Variants in OVOL2 observed in about 807,000 individuals in gnomAD.
OVOL2 encodes the protein transcription factor Ovo-like 2.
In OVOL2, 13 loss-of-function variants were observed where a neutral mutation model predicts 18.1. The ratio of observed to expected loss-of-function variants is 0.72; its 90% CI spans 0.47 to 1.14. The LOEUF is 1.14. OVOL2 is among the 50% of genes most tolerant of loss of function. The pLI, the probability that OVOL2 is intolerant of heterozygous loss-of-function variation, is 0.00. For synonymous variants in OVOL2, 166 were observed against 162.7 expected (o/e 1.02, Z -0.16); for missense variants, 335 against 383.0 (o/e 0.87, Z 1.05).
At chr20:18,027,619 T>G (rs1444745112) in intron 3 of OVOL2, among the ~76,000 whole-genome samples, 3 of 152,014 alleles carry the variant, frequency 2.0e-5, no homozygotes, top group African/African-American at 7.2e-5. Flanking sequence ...TTTTTGAGAC[T>G]GAGACTCGCT....
chr20:18,041,713 C>A lies in OVOL2; in HGVS notation c.332G>T (p.Gly111Val), dbSNP rs767878401. Residue 111 changes from glycine (G) to valine (V), a missense_variant, in exon 3 of 4, where the codon GGC becomes GTC. Gly to Val is a moderately radical substitution (Grantham distance 109, BLOSUM62 -3). Coordinates refer to ENST00000278780, the MANE Select transcript of OVOL2 (RefSeq NM_021220.4). Reference protein sequence around the residue: ...VARSKIKFTTGTCSDSVVHSC... With the variant: ...VARSKIKFTTVTCSDSVVHSC... ...GTGAACCACCGAGTCGCTGCACGTG[C>A]CTGTGGTGAACTGGGGGCAGAGAGA... The A allele has an allele frequency of 3.1e-5, 50 of 1,611,656 alleles. No homozygotes were observed. The highest frequency in any genetic ancestry group is 4.2e-5 in the Non-Finnish European group (50 of 1,178,672).
intron 3 of OVOL2, among the ~76,000 whole-genome samples, chr20:18,034,882 G>T (rs2036602141): frequency 6.6e-6 from 1 of 152,064 alleles, no homozygotes; most frequent in African/African-American, 2.4e-5. Context: ...GGAGTCGGGG[G>T]TGGTGCAGAT....
intron 2 of OVOL2, among the ~76,000 whole-genome samples, chr20:18,051,137 A>C (rs1229551380): frequency 6.6e-6 from 1 of 152,106 alleles, no homozygotes; most frequent in Non-Finnish European, 1.5e-5. Context: ...GCACTTTGGG[A>C]GGCTGAGATA....
chr20:18,034,651 TCA>T lies in OVOL2; in HGVS notation c.511+6881_511+6882del, dbSNP rs1555794800. 1.3e-3 allele frequency among the ~76,000 whole-genome samples: 190 copies of T among 145,496 alleles called. 1 individual carries two copies. The highest frequency in any genetic ancestry group is 4.8e-3 in the Admixed American group (70 of 14,548). On this transcript the variant is annotated intron_variant, in intron 3 of 3. Transcript: ENST00000278780. ...TTCTCTCTCTCTCTCTCTCTCTCTC[TCA>T]CACACACACACACACACACCCCTCC...
rs552279316 is a variant in OVOL2, at chr20:18,048,094, C to G, written c.322-6371G>C. Among the ~76,000 whole-genome samples the G allele has an allele frequency of 2.7e-3, 411 of 151,776 alleles. 3 individuals are homozygous for G. The highest frequency in any genetic ancestry group is 3.9e-3 in the Non-Finnish European group (268 of 67,934). On this transcript the variant is annotated intron_variant, in intron 2 of 3. Coordinates refer to ENST00000278780, the MANE Select transcript of OVOL2 (RefSeq NM_021220.4). ...CTGAGGTCAGGAGTTCGAGACCAGC[C>G]TGGCCAACATGGTGAAACTCCATCT...
chr20:18,031,418 C>CA (rs1040998376), intron 3 of OVOL2, among the ~76,000 whole-genome samples: 9 of 151,800 alleles, frequency 5.9e-5, no homozygotes, highest in South Asian at 2.1e-4. Flanking sequence ...CTAAAAAATA[C>CA]AAAAAAAATT....
At position 18,056,924 on chromosome 20, in the gene OVOL2, C is replaced by T. The variant is rs1171061574; in HGVS notation, c.101-47G>A. 4.9e-6 allele frequency: 7 copies of T among 1,438,224 alleles called. No individual in the cohort carries two copies. The Admixed American group carries it at 2.0e-4, about 41-fold the overall frequency. 89.1% of individuals were successfully genotyped at this position (1,438,224 alleles called of 1,614,324 possible). On this transcript the variant is annotated intron_variant, in intron 1 of 3. Transcript: ENST00000278780. This position sits in a 1 kb window ranked among gnomAD's most constrained non-coding sequence, Gnocchi z 4.2. The stretch of plus-strand genomic sequence containing the variant: ...CCCGACACACACACTCGGCGTCAAC[C>T]CGCACGCCCGCGGCAGTTTGACCTG...
chr20:18,033,605 T>A (rs967581138), intron 3 of OVOL2, among the ~76,000 whole-genome samples: 1 of 152,210 alleles, frequency 6.6e-6, no homozygotes, highest in Non-Finnish European at 1.5e-5. Context: ...ACACTTTCCA[T>A]AAACGCGGGA....
rs1438019977 is a variant in OVOL2 at position 18,057,368 on chromosome 20, C to T, written c.100+167G>A. On this transcript the variant is annotated intron_variant, in intron 1 of 3. Coordinates refer to ENST00000278780, the MANE Select transcript of OVOL2 (RefSeq NM_021220.4). This position sits in a 1 kb window ranked among gnomAD's most constrained non-coding sequence, Gnocchi z 6.3. ...GGGGGCGCCTAGAGTCTGGGGCATCCCAGTCCCTCATTGCCTGCCCTAACC... is the reference window on the plus strand; with the variant it reads ...GGGGGCGCCTAGAGTCTGGGGCATCTCAGTCCCTCATTGCCTGCCCTAACC... Among the ~76,000 whole-genome samples the T allele has an allele frequency of 1.3e-5, 2 of 152,170 alleles. No homozygotes were observed. Among genetic ancestry groups the T allele is most frequent in the African/African-American group, 2.4e-5 (1 of 41,446 alleles).
intron 3 of OVOL2, among the ~76,000 whole-genome samples, chr20:18,036,376 T>C (rs1419775717): frequency 1.3e-5 from 2 of 152,158 alleles, no homozygotes; most frequent in Admixed American, 1.3e-4. Context: ...CTCTTTTGCC[T>C]ATACAACACA....
At chr20:18,043,553 G>GCCA (rs1177563878) in intron 2 of OVOL2, among the ~76,000 whole-genome samples, 1 of 152,160 alleles carries the variant, frequency 6.6e-6, no homozygotes, top group East Asian at 1.9e-4. Flanking sequence ...ACTCAGGGCT[G>GCCA]CCACCAGCTG....
At chr20:18,049,974 G>A (rs970557770) in intron 2 of OVOL2, among the ~76,000 whole-genome samples, 1 of 152,182 alleles carries the variant, frequency 6.6e-6, no homozygotes, top group Admixed American at 6.5e-5. Context: ...AATGCTGAAA[G>A]GTTGAGGATC....
intron 3 of OVOL2, among the ~76,000 whole-genome samples, chr20:18,027,069 C>A (rs1345237311): frequency 6.6e-6 from 1 of 151,544 alleles, no homozygotes; most frequent in Non-Finnish European, 1.5e-5. Context: ...CCCATATAAA[C>A]AAACCTGCAC....
At chr20:18,028,967 T>A (rs2036543735) in intron 3 of OVOL2, among the ~76,000 whole-genome samples, 1 of 152,196 alleles carries the variant, frequency 6.6e-6, no homozygotes, top group Non-Finnish European at 1.5e-5. Context: ...TCCCTAGTCC[T>A]AACTCGCAAG....
intron 2 of OVOL2, among the ~76,000 whole-genome samples, chr20:18,043,172 C>T (rs12625384): frequency 0.076 from 11,516 of 152,182 alleles, 1,044 homozygotes; most frequent in African/African-American, 0.21. Context: ...TCTGGGTCCT[C>T]ATGACATCAT....
Position 18,024,783 on chromosome 20 carries a change from C to G in OVOL2, c.681G>C (p.Glu227Asp). 6.2e-7 allele frequency: 1 copy of G among 1,614,194 alleles called. No homozygotes were observed. The highest frequency in any genetic ancestry group is 8.5e-7 in the Non-Finnish European group (1 of 1,180,032). The change falls in exon 4 of 4, where the codon GAG (glutamate) becomes GAC (aspartate). Residue 227 changes from glutamate (E) to aspartate (D), a missense_variant. By Grantham distance (45) the Glu-to-Asp change is conservative. Coordinates refer to ENST00000278780, the MANE Select transcript of OVOL2 (RefSeq NM_021220.4). ...EDCGYTGPTQ[E>D]DLYLHVNSAH... is the part of the protein sequence containing the mutation. ...CACTGTTCACGTGCAGGTACAGGTC[C>G]TCCTGGGTGGGGCCCGTGTAGCCGC...
chr20:18,037,028 C>G (rs1046318172), intron 3 of OVOL2, among the ~76,000 whole-genome samples: 4 of 149,908 alleles, frequency 2.7e-5, no homozygotes, highest in African/African-American at 9.9e-5. Context: ...CCCAGCTACT[C>G]GGGAGGCTGA....
intron 3 of OVOL2, among the ~76,000 whole-genome samples, chr20:18,041,259 G>T (rs1023114485): frequency 7.9e-5 from 12 of 152,060 alleles, no homozygotes; most frequent in African/African-American, 2.7e-4. Context: ...CGCCTCCCAG[G>T]TTCAAGCGAT....
intron 3 of OVOL2, among the ~76,000 whole-genome samples, chr20:18,030,083 G>A (rs538122324): frequency 2.0e-5 from 3 of 152,182 alleles, no homozygotes; most frequent in African/African-American, 7.2e-5. Context: ...GAACTCTGTT[G>A]GTTCCAGGAA....
Sources: allele counts gnomAD v4.1 joint callset (sites outside exome capture counted in the v4.1 genomes callset), GRCh38; gene constraint gnomAD v4.1.1; non-coding constraint Gnocchi (gnomAD v3.1); transcripts MANE v1.5; gene names NCBI Gene and HGNC (gene_info 2026-07-23, HGNC 2026-07-21).